Variants in IFNA21 observed in about 807,000 individuals in gnomAD.
IFNA21 encodes the protein interferon alpha-21.
For synonymous variants in IFNA21, 101 were observed against 82.9 expected, an observed-to-expected ratio of 1.22 and a Z score of -1.19; for missense variants, 272 against 212.7, an observed-to-expected ratio of 1.28 and a Z score of -1.73.
Position 21,166,318 on chromosome 9 carries a change from T to G in IFNA21, c.295A>C (p.Thr99Pro). Reference sequence around the variant, plus strand: ...TTTTCTAGGAGGCTCTGTTCCCAAGTAGCAGATGAGTCCTTTGTGCTGAAG... The same window carrying G: ...TTTTCTAGGAGGCTCTGTTCCCAAGGAGCAGATGAGTCCTTTGTGCTGAAG... ...NLFSTKDSSATWEQSLLEKFS... is the reference protein window; with the variant it reads ...NLFSTKDSSAPWEQSLLEKFS... The change falls in exon 1 of 1, where the codon ACT (threonine) becomes CCT (proline). Residue 99 changes from threonine to proline, a missense_variant. Physicochemically the swap from Thr to Pro is conservative, Grantham distance 38. Transcript: ENST00000380225. 3 of 1,614,148 alleles carry G rather than the reference T, an allele frequency of 1.9e-6. No homozygotes were observed. The highest frequency in any genetic ancestry group is 2.5e-6 in the Non-Finnish European group (3 of 1,180,004).
Position 21,166,159 on chromosome 9 carries a change from G to A in IFNA21, c.454C>T (p.Leu152Phe), listed in dbSNP as rs144636841. Residue 152 changes from leucine (L) to phenylalanine (F), a missense_variant, in exon 1 of 1, where the codon CTT becomes TTT. Physicochemically the swap from Leu to Phe is conservative, Grantham distance 22 (BLOSUM62 0). Coordinates refer to ENST00000380225, the MANE Select transcript of IFNA21 (RefSeq NM_002175.2). Reference sequence around the variant, plus strand: ...CTGTATTTCTTCTCTGTCAGATAAAGAGTGATTCTTTGGAAGTATTTCTTC... The same window carrying A: ...CTGTATTTCTTCTCTGTCAGATAAAAAGTGATTCTTTGGAAGTATTTCTTC... The part of the protein sequence containing the change: ...AVKKYFQRIT[L>F]YLTEKKYSPC... 9 of 1,614,078 alleles carry A rather than the reference G, an allele frequency of 5.6e-6. No individual in the cohort carries two copies. In the African/African-American group the frequency reaches 1.1e-4, roughly 19 times the overall value.
rs3750478 is a variant in IFNA21, at chr9:21,166,078, T to C, written c.535A>G (p.Lys179Glu). 8.2e-3 allele frequency: 13,158 copies of C among 1,613,872 alleles called. 575 individuals carry two copies. The East Asian group carries it at 0.11, about 14-fold the overall frequency. ...AEIMRSFSLS[K>E]IFQERLRRKE ...CTCCTTAATCTTTCTTGAAAAATTT[T>C]TGATAAAGAGAAGGATCTCATGATT... is the stretch of plus-strand genomic sequence containing the variant. The change falls in exon 1 of 1, where the codon AAA becomes GAA. Residue 179 changes from lysine to glutamate, a missense_variant. Physicochemically the swap from Lys to Glu is moderately conservative, Grantham distance 56 (BLOSUM62 1). Transcript: ENST00000380225.
In IFNA21 at chr9:21,165,700, A is replaced by C. The variant is rs1423691706; in HGVS notation, c.*343T>G. 6.5e-6 allele frequency: 1 copy of C among 153,238 alleles called. No individual in the cohort carries two copies. The highest frequency in any genetic ancestry group is 2.4e-5 in the African/African-American group (1 of 41,498). 9.5% of individuals were successfully genotyped at this position (153,238 alleles called of 1,614,324 possible). ...ATAAGAAGTTTTAATAGTAAAAATTAATAAAAAGAAAATAATATATTGACT... is the reference window on the plus strand; with the variant it reads ...ATAAGAAGTTTTAATAGTAAAAATTCATAAAAAGAAAATAATATATTGACT... On this transcript the variant is annotated 3_prime_UTR_variant, in exon 1 of 1. Coordinates refer to ENST00000380225, the MANE Select transcript of IFNA21 (RefSeq NM_002175.2).
At position 21,165,970 on chromosome 9, in the gene IFNA21, G is replaced by C. The variant is rs1275414635; in HGVS notation, c.*73C>G. 2.0e-6 allele frequency: 3 copies of C among 1,520,374 alleles called. No individual in the cohort carries two copies. The African/African-American group carries it at 4.2e-5, about 21-fold the overall frequency. 94.2% of individuals were successfully genotyped at this position (1,520,374 alleles called of 1,614,324 possible). A position where few individuals can be genotyped will look rare whatever the true frequency, so the allele number is the denominator to read the frequency against. On this transcript the variant is annotated 3_prime_UTR_variant, in exon 1 of 1. Transcript: ENST00000380225. ...GTGGTTATAGGAGAAATGAGTCTTT[G>C]AAATGGCAGAAGTCATAGAAGTGTG...
chr9:21,166,287 GA>G, the IFNA21 span: 3 of 1,613,970 alleles, frequency 1.9e-6, no homozygotes, highest in Non-Finnish European at 1.7e-6. Flanking sequence ...AAGTTCAGTG[GA>G]AAATTTTTCT....
Position 21,166,601 on chromosome 9 carries a change from G to A in IFNA21, c.12C>T (p.Ser4=). The change falls in exon 1 of 1, where the codon TCC becomes TCT. Residue 4 remains serine, a synonymous_variant. Coordinates refer to ENST00000380225, the MANE Select transcript of IFNA21 (RefSeq NM_002175.2). ...CCAGCACGGCCATCAGTAAAGAAAAGGACAGGGCCATTGGGATGTTGCCAA... is the reference window on the plus strand; with the variant it reads ...CCAGCACGGCCATCAGTAAAGAAAAAGACAGGGCCATTGGGATGTTGCCAA... The part of the protein sequence containing the change: MAL[S]FSLLMAVLVL... The A allele has an allele frequency of 6.2e-7, 1 of 1,612,516 alleles. No homozygotes were observed. The highest frequency in any genetic ancestry group is 1.7e-4 in the Middle Eastern group (1 of 6,054).
At chr9:21,166,331 CT>C in the IFNA21 span, 1 of 1,614,078 alleles carries the variant, frequency 6.2e-7, no homozygotes. Context: ...CAGATGAGTC[CT>C]TTGTGCTGAA....
rs1819667775 is a variant in IFNA21, at chr9:21,166,420, C to T, written c.193G>A (p.Glu65Lys). 1 of 1,614,012 alleles carries T rather than the reference C, an allele frequency of 6.2e-7. No individual in the cohort carries two copies. The highest frequency in any genetic ancestry group is 1.3e-5 in the African/African-American group (1 of 74,914). The change falls in exon 1 of 1, where the codon GAG becomes AAG. Residue 65 changes from glutamate to lysine, a missense_variant. By Grantham distance (56) the Glu-to-Lys change is moderately conservative. Coordinates refer to ENST00000380225, the MANE Select transcript of IFNA21 (RefSeq NM_002175.2). ...DRHDFGFPQE[E>K]FDGNQFQKAQ... ...TTCTGGAACTGGTTGCCATCAAACT[C>T]CTCCTGGGGGAATCCAAAGTCATGT...
At position 21,166,026 on chromosome 9, in the gene IFNA21, C is replaced by T; in HGVS notation, c.*17G>A. The T allele has an allele frequency of 6.2e-7, 1 of 1,610,736 alleles. No individual in the cohort carries two copies. Among genetic ancestry groups the T allele is most frequent in the Non-Finnish European group, 8.5e-7 (1 of 1,178,088 alleles). On this transcript the variant is annotated 3_prime_UTR_variant, in exon 1 of 1. Transcript: ENST00000380225. Reference sequence around the variant, plus strand: ...GTGTATTAGTCAATACAGATCATTTCCATGTTGAAACAGGTTTCATTCCTT... The same window carrying T: ...GTGTATTAGTCAATACAGATCATTTTCATGTTGAAACAGGTTTCATTCCTT...
chr9:21,166,436 A>C lies in IFNA21; in HGVS notation c.177T>G (p.Phe59Leu). The change falls in exon 1 of 1, where the codon TTT (phenylalanine) becomes TTG (leucine). Residue 59 changes from phenylalanine (F) to leucine (L), a missense_variant. Transcript: ENST00000380225. The part of the protein sequence containing the change: ...PFSCLKDRHD[F>L]GFPQEEFDGN... ...CATCAAACTCCTCCTGGGGGAATCC[A>C]AAGTCATGTCTGTCCTTCAGGCAGG... 6.2e-7 allele frequency: 1 copy of C among 1,614,086 alleles called. No homozygotes were observed. The highest frequency in any genetic ancestry group is 1.1e-5 in the South Asian group (1 of 91,082).
chr9:21,166,354 TC>T, the IFNA21 span: 2 of 1,613,982 alleles, frequency 1.2e-6, no homozygotes, highest in African/African-American at 2.7e-5. Flanking sequence ...AGATTGAAGG[TC>T]TGCTGGATCA....
In IFNA21 at chr9:21,165,954, G is replaced by A; in HGVS notation, c.*89C>T. On this transcript the variant is annotated 3_prime_UTR_variant, in exon 1 of 1. Transcript: ENST00000380225. Reference sequence around the variant, plus strand: ...TGATTCAACTCATGCGGTGGTTATAGGAGAAATGAGTCTTTGAAATGGCAG... The same window carrying A: ...TGATTCAACTCATGCGGTGGTTATAAGAGAAATGAGTCTTTGAAATGGCAG... 6.8e-7 allele frequency: 1 copy of A among 1,478,610 alleles called. No homozygotes were observed. The highest frequency in any genetic ancestry group is 9.1e-7 in the Non-Finnish European group (1 of 1,095,246). The allele number at this position is 1,478,610 out of a possible 1,614,324, so 91.6% of individuals were successfully genotyped here.
In IFNA21 at chr9:21,166,186, C is replaced by A; in HGVS notation, c.427G>T (p.Val143Leu). The A allele has an allele frequency of 6.2e-7, 1 of 1,614,190 alleles. No homozygotes were observed. The highest frequency in any genetic ancestry group is 8.5e-7 in the Non-Finnish European group (1 of 1,180,032). Residue 143 changes from valine (V) to leucine (L), a missense_variant, in exon 1 of 1, where the codon GTG becomes TTG. Val to Leu is a conservative substitution (Grantham distance 32). Coordinates refer to ENST00000380225, the MANE Select transcript of IFNA21 (RefSeq NM_002175.2). ...GTGATTCTTTGGAAGTATTTCTTCA[C>A]AGCCAGGATGGAGTCCACATTCATC... Reference protein sequence around the residue: ...PLMNVDSILAVKKYFQRITLY... With the variant: ...PLMNVDSILALKKYFQRITLY...
Position 21,165,881 on chromosome 9 carries a change from C to A in IFNA21, c.*162G>T. On this transcript the variant is annotated 3_prime_UTR_variant, in exon 1 of 1. Coordinates refer to ENST00000380225, the MANE Select transcript of IFNA21 (RefSeq NM_002175.2). ...CATCTGTAAAGGACTAGTGCCTGCA[C>A]AGGTAAACATGATGTTTCCTTACAC... is the stretch of plus-strand genomic sequence containing the variant. 1 of 852,342 alleles carries A rather than the reference C, an allele frequency of 1.2e-6. No individual in the cohort carries two copies. The highest frequency in any genetic ancestry group is 1.8e-6 in the Non-Finnish European group (1 of 558,298). 52.8% of individuals were successfully genotyped at this position (852,342 alleles called of 1,614,324 possible).
chr9:21,166,659 A>T lies in IFNA21; in HGVS notation c.-47T>A. ...AGGCTACTTGAGATGGGTAACCTTG[A>T]ACCTTGGCCTCTAGGTTTTCTGAAG... On this transcript the variant is annotated 5_prime_UTR_variant, in exon 1 of 1. Coordinates refer to ENST00000380225, the MANE Select transcript of IFNA21 (RefSeq NM_002175.2). 6.4e-7 allele frequency: 1 copy of T among 1,572,690 alleles called. No individual in the cohort carries two copies. Among genetic ancestry groups the T allele is most frequent in the Non-Finnish European group, 8.6e-7 (1 of 1,162,008 alleles).
At position 21,165,941 on chromosome 9, in the gene IFNA21, T is replaced by C; in HGVS notation, c.*102A>G. 2 of 1,423,756 alleles carry C rather than the reference T, an allele frequency of 1.4e-6. No homozygotes were observed. Among genetic ancestry groups the C allele is most frequent in the Admixed American group, 4.6e-5 (2 of 43,310 alleles). 88.2% of individuals were successfully genotyped at this position (1,423,756 alleles called of 1,614,324 possible). A position where few individuals can be genotyped will look rare whatever the true frequency, so the allele number is the denominator to read the frequency against. On this transcript the variant is annotated 3_prime_UTR_variant, in exon 1 of 1. Transcript: ENST00000380225. ...GATCTGAAAATTTTGATTCAACTCA[T>C]GCGGTGGTTATAGGAGAAATGAGTC...
rs749639108 is a variant in IFNA21, at chr9:21,165,961, T to A, written c.*82A>T. On this transcript the variant is annotated 3_prime_UTR_variant, in exon 1 of 1. Coordinates refer to ENST00000380225, the MANE Select transcript of IFNA21 (RefSeq NM_002175.2). ...ACTCATGCGGTGGTTATAGGAGAAA[T>A]GAGTCTTTGAAATGGCAGAAGTCAT... 2.7e-6 allele frequency: 4 copies of A among 1,496,956 alleles called. No individual in the cohort carries two copies. Among genetic ancestry groups the A allele is most frequent in the Admixed American group, 4.4e-5 (2 of 45,776 alleles). The allele number at this position is 1,496,956 out of a possible 1,614,324, so 92.7% of individuals were successfully genotyped here. A position where few individuals can be genotyped will look rare whatever the true frequency, so the allele number is the denominator to read the frequency against.
rs1819670128 is a variant in IFNA21, at chr9:21,166,558, T to C, written c.55A>G (p.Ile19Val). The change falls in exon 1 of 1, where the codon ATC becomes GTC. Residue 19 changes from isoleucine (I) to valine (V), a missense_variant. Transcript: ENST00000380225. ...MAVLVLSYKS[I>V]CSLGCDLPQT... is the part of the protein sequence containing the mutation. ...GGCAGATCACAGCCCAGAGAACAGA[T>C]GGATTTGTAGCTGAGCACCAGCACG... 5 of 1,613,932 alleles carry C rather than the reference T, an allele frequency of 3.1e-6. No homozygotes were observed. Among genetic ancestry groups the C allele is most frequent in the Non-Finnish European group, 3.4e-6 (4 of 1,180,008 alleles).
In IFNA21 at chr9:21,165,928, T is replaced by C; in HGVS notation, c.*115A>G. ...ACACTCCTGAAAAGATCTGAAAATT[T>C]TGATTCAACTCATGCGGTGGTTATA... On this transcript the variant is annotated 3_prime_UTR_variant, in exon 1 of 1. Transcript: ENST00000380225. 1.5e-6 allele frequency: 2 copies of C among 1,341,768 alleles called. No individual in the cohort carries two copies. The highest frequency in any genetic ancestry group is 2.3e-5 in the East Asian group (1 of 42,578). 83.1% of individuals were successfully genotyped at this position (1,341,768 alleles called of 1,614,324 possible).
Sources: gnomAD v4.1 joint callset for allele counts on GRCh38, gnomAD v4.1.1 for gene constraint, MANE v1.5 for transcripts, NCBI Gene and HGNC (gene_info 2026-07-23, HGNC 2026-07-21) for gene names.